The following CDH19 variants were observed in gnomAD, a reference collection of about 807,000 sequenced individuals.
CDH19 encodes the protein cadherin 19, also known as cadherin-19.
CDH19 carries 67 observed loss-of-function variants against 64.2 expected under a neutral mutation model. The observed-to-expected ratio is 1.04, with a 90% confidence interval of 0.86 to 1.28. The LOEUF (loss-of-function observed/expected upper bound fraction) is 1.28. CDH19 is among the 50% of genes most tolerant of loss of function. The pLI is 0.00. For missense variants in CDH19, 1,030 were observed against 929.0 expected, an observed-to-expected ratio of 1.11 and a Z score of -1.41; for synonymous variants, 346 against 319.3, an observed-to-expected ratio of 1.08 and a Z score of -0.89.
intron 1 of CDH19, among the ~76,000 whole-genome samples, chr18:66,586,911 T>C (rs1224800366): frequency 6.6e-6 from 1 of 152,132 alleles, no homozygotes; most frequent in Non-Finnish European, 1.5e-5. Flanking sequence ...TATCCTTTTA[T>C]TTAATCTATT....
intron 3 of CDH19, among the ~76,000 whole-genome samples, chr18:66,560,860 T>G (rs947668683): frequency 3.3e-5 from 5 of 152,106 alleles, no homozygotes; most frequent in Non-Finnish European, 7.4e-5. Context: ...ACTTGCAAAG[T>G]GGGTCTTACT....
Position 66,511,556 on chromosome 18 carries a change from G to T in CDH19, c.1576+12C>A. Reference sequence around the variant, plus strand: ...AAATGTATCAAAACTCATTATGAGTGAATGACATTACCTTGATTATCTATG... The same window carrying T: ...AAATGTATCAAAACTCATTATGAGTTAATGACATTACCTTGATTATCTATG... On this transcript the variant is annotated intron_variant, in intron 10 of 11. Transcript: ENST00000262150. 9.3e-7 allele frequency: 1 copy of T among 1,074,846 alleles called. No homozygotes were observed. The highest frequency in any genetic ancestry group is 1.4e-6 in the Non-Finnish European group (1 of 698,734). 66.6% of individuals were successfully genotyped at this position (1,074,846 alleles called of 1,614,324 possible). A position where few individuals can be genotyped will look rare whatever the true frequency, so the allele number is the denominator to read the frequency against.
intron 1 of CDH19, among the ~76,000 whole-genome samples, chr18:66,600,569 C>G (rs1283203282): frequency 6.6e-6 from 1 of 151,800 alleles, no homozygotes; most frequent in African/African-American, 2.4e-5. Flanking sequence ...CGCTTTGTAT[C>G]TTTAAAAATA....
chr18:66,519,949 G>A (rs1229438281), intron 9 of CDH19, among the ~76,000 whole-genome samples: 1 of 152,098 alleles, frequency 6.6e-6, no homozygotes, highest in African/African-American at 2.4e-5. Context: ...ACTTTGGGAG[G>A]CCGAGGCAGG....
chr18:66,516,063 T>G (rs1046027245), intron 9 of CDH19, among the ~76,000 whole-genome samples: 2 of 151,818 alleles, frequency 1.3e-5, no homozygotes, highest in African/African-American at 4.8e-5. Context: ...TATTGGGGGG[T>G]CAGAGAACCT....
intron 2 of CDH19, among the ~76,000 whole-genome samples, chr18:66,569,949 T>G (rs1294699600): frequency 6.6e-6 from 1 of 151,690 alleles, no homozygotes; most frequent in Non-Finnish European, 1.5e-5. Context: ...CTGAAGGTAC[T>G]AGTAACTAAT....
Position 66,544,073 on chromosome 18 carries a change from A to C in CDH19, c.1112T>G (p.Leu371Arg). The C allele has an allele frequency of 6.2e-7, 1 of 1,613,912 alleles. No individual in the cohort carries two copies. The highest frequency in any genetic ancestry group is 1.3e-5 in the African/African-American group (1 of 75,004). Reference protein sequence around the residue: ...VEDVDEPPLFLLPYYVFEVFE... With the variant: ...VEDVDEPPLFRLPYYVFEVFE... ...AACTTCAAATACATAATATGGAAGG[A>C]GGAAAAGAGGAGGCTCATCAACATC... The change falls in exon 7 of 12, where the codon CTC (leucine) becomes CGC (arginine). Residue 371 changes from leucine (L) to arginine (R), a missense_variant. Coordinates refer to ENST00000262150, the MANE Select transcript of CDH19 (RefSeq NM_021153.4).
Position 66,505,088 on chromosome 18 carries a change from T to A in CDH19, c.2043A>T (p.Leu681=). The change falls in exon 12 of 12, where the codon CTA becomes CTT. Residue 681 remains leucine (L), a synonymous_variant. Transcript: ENST00000262150. ...RKTTSAEIRS[L]YRQSLQVGPD... Reference sequence around the variant, plus strand: ...GGCCAACTTGCAAAGACTGCCTGTATAGGCTCCTGATCTCAGCGCTTGTGG... The same window carrying A: ...GGCCAACTTGCAAAGACTGCCTGTAAAGGCTCCTGATCTCAGCGCTTGTGG... 1 of 1,613,714 alleles carries A rather than the reference T, an allele frequency of 6.2e-7. No homozygotes were observed.
chr18:66,560,855 C>A (rs989245717), intron 3 of CDH19, among the ~76,000 whole-genome samples: 1 of 151,992 alleles, frequency 6.6e-6, no homozygotes, highest in Non-Finnish European at 1.5e-5. Flanking sequence ...TTAATACTTG[C>A]AAAGTGGGTC....
chr18:66,571,399 A>T (rs2144579883), intron 2 of CDH19, among the ~76,000 whole-genome samples: 1 of 151,838 alleles, frequency 6.6e-6, no homozygotes, highest in Middle Eastern at 3.4e-3. Flanking sequence ...ATGGAAAAGG[A>T]CATGATATTG....
intron 11 of CDH19, among the ~76,000 whole-genome samples, chr18:66,508,697 G>A (rs1315079239): frequency 6.6e-6 from 1 of 151,786 alleles, no homozygotes; most frequent in Non-Finnish European, 1.5e-5. Context: ...ATTTTTACAT[G>A]TTTTATACTG....
At chr18:66,603,212 A>C (rs1989080123) in intron 1 of CDH19, among the ~76,000 whole-genome samples, 1 of 150,564 alleles carries the variant, frequency 6.6e-6, no homozygotes, top group Non-Finnish European at 1.5e-5. Flanking sequence ...ACTTATTTTG[A>C]AATATTTTAT....
In CDH19 at chr18:66,502,785, G is replaced by T. The variant is rs150154619; in HGVS notation, c.*2027C>A. The T allele has an allele frequency of 1.3e-5, 2 of 151,656 alleles. No individual in the cohort carries two copies. The highest frequency in any genetic ancestry group is 1.9e-4 in the East Asian group (1 of 5,178). The allele number at this position is 151,656 out of a possible 1,614,324, so 9.4% of individuals were successfully genotyped here. On this transcript the variant is annotated 3_prime_UTR_variant, in exon 12 of 12. Coordinates refer to ENST00000262150, the MANE Select transcript of CDH19 (RefSeq NM_021153.4). ...TCTTTCCTAATAATGGTATCATTGC[G>T]TTAAGGATTGACTACATCTTATGTC...
At chr18:66,578,135 T>C (rs1988318106) in intron 1 of CDH19, among the ~76,000 whole-genome samples, 2 of 151,974 alleles carry the variant, frequency 1.3e-5, no homozygotes, top group South Asian at 4.1e-4. Context: ...TCTTTGGTTT[T>C]AGGTGTGAAG....
chr18:66,582,122 A>T (rs1988440336), intron 1 of CDH19, among the ~76,000 whole-genome samples: 1 of 152,160 alleles, frequency 6.6e-6, no homozygotes, highest in Admixed American at 6.5e-5. Context: ...TTGAATAAAG[A>T]TCTATAAATT....
At position 66,505,141 on chromosome 18, in the gene CDH19, T is replaced by G; in HGVS notation, c.1990A>C (p.Ile664Leu). ...FDIAELRSST[I>L]MRERKTRKTT... ...TTCCGAGTCTTGCGTTCCCGCATTA[T>G]GGTACTACTCCTCAGCTCTGCTATA... is the stretch of plus-strand genomic sequence containing the variant. Residue 664 changes from isoleucine (I) to leucine (L), a missense_variant, in exon 12 of 12, where the codon ATA (isoleucine) becomes CTA (leucine). Transcript: ENST00000262150. 1 of 1,613,642 alleles carries G rather than the reference T, an allele frequency of 6.2e-7. No homozygotes were observed. Among genetic ancestry groups the G allele is most frequent in the Non-Finnish European group, 8.5e-7 (1 of 1,179,724 alleles).
chr18:66,542,695 G>A (rs1330903488), intron 7 of CDH19, among the ~76,000 whole-genome samples: 1 of 151,938 alleles, frequency 6.6e-6, no homozygotes, highest in East Asian at 1.9e-4. Flanking sequence ...CCTGTCCATG[G>A]CCTGTAGGTG....
intron 9 of CDH19, among the ~76,000 whole-genome samples, chr18:66,517,011 G>C (rs1985768393): frequency 6.6e-6 from 1 of 151,952 alleles, no homozygotes; most frequent in Non-Finnish European, 1.5e-5. Flanking sequence ...ATTTTCCTAG[G>C]GATACTGAAG....
At chr18:66,517,190 C>T (rs1034158373) in intron 9 of CDH19, among the ~76,000 whole-genome samples, 5 of 151,758 alleles carry the variant, frequency 3.3e-5, no homozygotes, top group African/African-American at 7.3e-5. Context: ...ATAATGAGTT[C>T]AGGAAACTTT....
Sources: allele counts gnomAD v4.1 joint callset (sites outside exome capture counted in the v4.1 genomes callset), GRCh38; gene constraint gnomAD v4.1.1; transcripts MANE v1.5; gene names NCBI Gene and HGNC (gene_info 2026-07-23, HGNC 2026-07-21).